Variants in SFMBT2 observed in about 807,000 individuals in gnomAD.
SFMBT2 encodes the protein scm-like with four MBT domains protein 2.
A neutral mutation model predicts 110.1 loss-of-function variants in SFMBT2; 38 were observed. That is an observed-to-expected ratio of 0.35 (90% CI 0.27 to 0.45). The LOEUF is 0.45. Among genes scored for constraint, SFMBT2 ranks in the 20% least tolerant of loss-of-function variants. The probability of loss-of-function intolerance (pLI) is 1.00; values close to 1 mark genes in which losing one functional copy is unlikely to be tolerated. For synonymous variants in SFMBT2, 425 were observed against 425.4 expected, an observed-to-expected ratio of 1.00 and a Z score of 0.01; for missense variants, 1,011 against 1,094.9, an observed-to-expected ratio of 0.92 and a Z score of 1.08.
At chr10:7,371,849 A>G (rs189334230) in intron 2 of SFMBT2, among the ~76,000 whole-genome samples, 185 of 151,066 alleles carry the variant, frequency 1.2e-3, no homozygotes, top group African/African-American at 4.3e-3. Context: ...CCTATCAGAT[A>G]GGCCAGGGGA....
intron 4 of SFMBT2, among the ~76,000 whole-genome samples, chr10:7,311,920 T>TA (rs1842868251): frequency 6.6e-6 from 1 of 152,130 alleles, no homozygotes; most frequent in Non-Finnish European, 1.5e-5. Flanking sequence ...AGTCGCAAAC[T>TA]AAAAATCTCT....
chr10:7,343,225 T>C (rs1045064240), intron 4 of SFMBT2, among the ~76,000 whole-genome samples: 38 of 152,152 alleles, frequency 2.5e-4, no homozygotes, highest in African/African-American at 8.9e-4. Context: ...ATCTTGCTTT[T>C]TTTTTTTAAT....
Position 7,220,507 on chromosome 10 carries a change from T to A in SFMBT2, c.1234A>T (p.Met412Leu), listed in dbSNP as rs1424272316. 6.2e-7 allele frequency: 1 copy of A among 1,614,160 alleles called. No individual in the cohort carries two copies. The highest frequency in any genetic ancestry group is 1.1e-5 in the South Asian group (1 of 91,086). ...TSFSRGFTKN[M>L]KLEAVNPRNP... is the part of the protein sequence containing the mutation. ...CTGGGGTTCACAGCTTCAAGTTTCA[T>A]GTTCTTTGTGAAACCTCGACTGAAT... The change falls in exon 11 of 21, where the codon ATG becomes TTG. Residue 412 changes from methionine to leucine, a missense_variant. Met to Leu is a conservative substitution (Grantham distance 15, BLOSUM62 2). Transcript: ENST00000397167.
rs563921586 is a variant in SFMBT2, at chr10:7,262,677, G to A, written c.871-14028C>T. ...TGCTATCTAACGGACTGCAGACAGC[G>A]GAGCTCAGGCCCCAGTGATCAAGCA... is the stretch of plus-strand genomic sequence containing the variant. On this transcript the variant is annotated intron_variant, in intron 7 of 20. Transcript: ENST00000397167. Among the ~76,000 whole-genome samples the A allele has an allele frequency of 1.2e-3, 185 of 152,294 alleles. 1 individual carries two copies. The highest frequency in any genetic ancestry group is 6.1e-3 in the Admixed American group (93 of 15,310).
At chr10:7,291,836 G>T (rs1842269484) in intron 4 of SFMBT2, among the ~76,000 whole-genome samples, 1 of 152,138 alleles carries the variant, frequency 6.6e-6, no homozygotes, top group African/African-American at 2.4e-5. Flanking sequence ...TGTACCCACG[G>T]CAGGGGTGGA....
At chr10:7,398,211 G>C (rs759743675) in intron 1 of SFMBT2, among the ~76,000 whole-genome samples, 4 of 152,188 alleles carry the variant, frequency 2.6e-5, no homozygotes, top group Non-Finnish European at 5.9e-5. Context: ...ATAACATTCA[G>C]TGTCTTCTAA....
intron 9 of SFMBT2, among the ~76,000 whole-genome samples, chr10:7,234,759 G>A (rs979469400): frequency 1.3e-5 from 2 of 151,898 alleles, no homozygotes; most frequent in African/African-American, 4.8e-5. Flanking sequence ...AGTCAAAAGA[G>A]AAGAAAATCT....
intron 15 of SFMBT2, 41 bp from the exon 16 acceptor site, chr10:7,188,774 T>C: frequency 1.3e-6 from 2 of 1,520,684 alleles, no homozygotes; most frequent in Non-Finnish European, 1.8e-6. Flanking sequence ...TGCAATTGCA[T>C]TCATTCCTAC....
At chr10:7,264,811 C>G (rs1477481008) in intron 7 of SFMBT2, among the ~76,000 whole-genome samples, 1 of 152,042 alleles carries the variant, frequency 6.6e-6, no homozygotes, top group Non-Finnish European at 1.5e-5. Flanking sequence ...CCACAGTGCT[C>G]TCTTGGGCTT....
rs144243263 is a variant in SFMBT2, at chr10:7,328,229, G to A, written c.436+39420C>T. Among the ~76,000 whole-genome samples the A allele has an allele frequency of 1.2e-3, 181 of 152,264 alleles. 2 individuals are homozygous for A. The East Asian group carries it at 0.031, about 26-fold the overall frequency. On this transcript the variant is annotated intron_variant, in intron 4 of 20. Coordinates refer to ENST00000397167, the MANE Select transcript of SFMBT2 (RefSeq NM_001387889.1). ...GCAATTCTCTAATGCAAATAATACCGACATCTTTGCATCTGCTTATTTGCC... is the reference window on the plus strand; with the variant it reads ...GCAATTCTCTAATGCAAATAATACCAACATCTTTGCATCTGCTTATTTGCC...
chr10:7,378,088 GGT>G (rs1199061714), intron 2 of SFMBT2, among the ~76,000 whole-genome samples: 1 of 150,862 alleles, frequency 6.6e-6, no homozygotes, highest in Non-Finnish European at 1.5e-5. Flanking sequence ...TATGTGGATG[GGT>G]GTGTGTGAGT....
At position 7,408,562 on chromosome 10, in the gene SFMBT2, C is replaced by A. The variant is rs550067736; in HGVS notation, c.-52+2299G>T. Among the ~76,000 whole-genome samples the A allele has an allele frequency of 5.4e-3, 817 of 152,244 alleles. 8 individuals carry two copies. Among genetic ancestry groups the A allele is most frequent in the African/African-American group, 0.018 (740 of 41,576 alleles). Reference sequence around the variant, plus strand: ...CGGAGGAGGTCCTCCCACCTGCCCCCGCCAGCCCCGGGGACCGTGCGCGGC... The same window carrying A: ...CGGAGGAGGTCCTCCCACCTGCCCCAGCCAGCCCCGGGGACCGTGCGCGGC... On this transcript the variant is annotated intron_variant, in intron 1 of 20. Coordinates refer to ENST00000397167, the MANE Select transcript of SFMBT2 (RefSeq NM_001387889.1). This position sits in a 1 kb window ranked among gnomAD's most constrained non-coding sequence, Gnocchi z 5.7.
At chr10:7,327,125 G>C (rs1303912006) in intron 4 of SFMBT2, among the ~76,000 whole-genome samples, 5 of 104,928 alleles carry the variant, frequency 4.8e-5, no homozygotes, top group Admixed American at 1.2e-4. Context: ...GGGGAAACCA[G>C]GTCTTCCTTG....
intron 2 of SFMBT2, among the ~76,000 whole-genome samples, chr10:7,378,899 GC>G (rs746659637): frequency 1.3e-5 from 2 of 151,850 alleles, no homozygotes; most frequent in East Asian, 1.9e-4. Context: ...AGGGGCAGGT[GC>G]CCCCCAGGGT....
At chr10:7,404,150 TA>T (rs1384260574) in intron 1 of SFMBT2, among the ~76,000 whole-genome samples, 13 of 152,156 alleles carry the variant, frequency 8.5e-5, no homozygotes, top group African/African-American at 2.9e-4. Context: ...GTATTTGGAG[TA>T]AACAGGTAAT....
At chr10:7,237,653 C>T (rs966327986) in intron 9 of SFMBT2, among the ~76,000 whole-genome samples, 2 of 152,146 alleles carry the variant, frequency 1.3e-5, no homozygotes, top group African/African-American at 4.8e-5. Context: ...AAGTGCCACC[C>T]ACTATTCCAG....
Position 7,298,649 on chromosome 10 carries a change from ATGTG to A in SFMBT2, c.437-12699_437-12696del, listed in dbSNP as rs1040980764. Among the ~76,000 whole-genome samples the A allele has an allele frequency of 3.3e-5, 5 of 152,060 alleles. No homozygotes were observed. In the East Asian group the frequency reaches 5.8e-4, roughly 18 times the overall value. On this transcript the variant is annotated intron_variant, in intron 4 of 20. Coordinates refer to ENST00000397167, the MANE Select transcript of SFMBT2 (RefSeq NM_001387889.1). ...TCTATGTGCATGCATGTGTATGTAT[ATGTG>A]TGTATGTATGTGCGTATGTGCATGT...
At chr10:7,227,973 T>G in intron 9 of SFMBT2, 36 bp from the exon 10 acceptor site, 1 of 1,508,334 alleles carries the variant, frequency 6.6e-7, no homozygotes, top group Non-Finnish European at 8.9e-7. Flanking sequence ...ACAGCGCACA[T>G]TAAGCAAAAT....
chr10:7,397,172 T>A (rs1450530742), intron 1 of SFMBT2, among the ~76,000 whole-genome samples: 1 of 152,138 alleles, frequency 6.6e-6, no homozygotes, highest in Non-Finnish European at 1.5e-5. Context: ...ATCATTCTCA[T>A]CTCCATTCAT....
Sources: gnomAD v4.1 joint callset for allele counts (sites outside exome capture counted in the v4.1 genomes callset) on GRCh38, gnomAD v4.1.1 for gene constraint, Gnocchi (gnomAD v3.1) non-coding constraint, MANE v1.5 for transcripts, NCBI Gene and HGNC (gene_info 2026-07-23, HGNC 2026-07-21) for gene names.